LYRM4: variants seen among roughly 807,000 people sequenced by gnomAD.
LYRM4 encodes the protein LYR motif containing 4, also known as LYR motif-containing protein 4.
In LYRM4, 9 loss-of-function variants were observed where a neutral mutation model predicts 11.7. That is an observed-to-expected ratio of 0.77 (90% confidence interval 0.46 to 1.34). The LOEUF is 1.34. Among genes scored for constraint, LYRM4 ranks in the 40% most tolerant of loss-of-function variants. The pLI, the probability that LYRM4 is intolerant of heterozygous loss-of-function variation, is 0.00. For synonymous variants in LYRM4, 42 were observed against 40.4 expected (o/e 1.04, Z -0.15); for missense variants, 133 against 112.5 (o/e 1.18, Z -0.82).
At chr6:5,154,472 C>T (rs1489754452) in intron 2 of LYRM4, among the ~76,000 whole-genome samples, 1 of 152,140 alleles carries the variant, frequency 6.6e-6, no homozygotes, top group Non-Finnish European at 1.5e-5. Flanking sequence ...TCACACAGGA[C>T]ACAGATGGAA....
intron 2 of LYRM4, among the ~76,000 whole-genome samples, chr6:5,211,975 C>A (rs944254354): frequency 6.6e-6 from 1 of 152,220 alleles, no homozygotes; most frequent in Non-Finnish European, 1.5e-5. Context: ...TTTCTCTAGA[C>A]ATGAGGCTAT....
intron 1 of LYRM4, among the ~76,000 whole-genome samples, chr6:5,245,895 A>G (rs1385774115): frequency 6.6e-6 from 1 of 152,242 alleles, no homozygotes; most frequent in Non-Finnish European, 1.5e-5. Context: ...TGCCAGAGTG[A>G]CAATACCATC....
At chr6:5,041,163 C>CA in the LYRM4 span, among the ~76,000 whole-genome samples, 1,014 of 138,234 alleles carry the variant, frequency 7.3e-3, 8 homozygotes, top group African/African-American at 0.024. Context: ...AGACTCGTCT[C>CA]AAAAAAAAAA....
At chr6:5,161,605 T>C (rs1758760636) in intron 2 of LYRM4, among the ~76,000 whole-genome samples, 1 of 152,234 alleles carries the variant, frequency 6.6e-6, no homozygotes, top group African/African-American at 2.4e-5. Flanking sequence ...CTGTATGAAA[T>C]ATGTAAATAT....
chr6:5,075,475 G>C, the LYRM4 span, among the ~76,000 whole-genome samples: 1 of 152,172 alleles, frequency 6.6e-6, no homozygotes, highest in African/African-American at 2.4e-5. Context: ...CACTATACTT[G>C]GTAGGTGGAT....
At chr6:5,066,380 T>C in the LYRM4 span, 4 of 731,680 alleles carry the variant, frequency 5.5e-6, no homozygotes, top group Non-Finnish European at 1.0e-5. Context: ...AAGTGGCCCT[T>C]TTTTCACCTC....
chr6:5,070,988 G>A, the LYRM4 span, among the ~76,000 whole-genome samples: 2 of 151,558 alleles, frequency 1.3e-5, no homozygotes, highest in African/African-American at 2.4e-5. Context: ...TCAGGAGATC[G>A]AGACCAGCCT....
At chr6:5,091,790 A>C in the LYRM4 span, among the ~76,000 whole-genome samples, 1 of 152,218 alleles carries the variant, frequency 6.6e-6, no homozygotes, top group Admixed American at 6.5e-5. Flanking sequence ...GTTCAACCAG[A>C]AACTCCACAT....
chr6:5,047,820 A>G, the LYRM4 span, among the ~76,000 whole-genome samples: 1 of 152,212 alleles, frequency 6.6e-6, no homozygotes, highest in East Asian at 1.9e-4. Flanking sequence ...TTGTTACCTT[A>G]TTACAATAGC....
At chr6:5,151,241 G>A (rs539692883) in intron 2 of LYRM4, among the ~76,000 whole-genome samples, 1 of 152,142 alleles carries the variant, frequency 6.6e-6, no homozygotes, top group East Asian at 1.9e-4. Context: ...GTGCCACCAT[G>A]CCCAGCTAAT....
At chr6:5,151,368 C>T (rs1312864946) in intron 2 of LYRM4, among the ~76,000 whole-genome samples, 1 of 152,148 alleles carries the variant, frequency 6.6e-6, no homozygotes, top group African/African-American at 2.4e-5. Flanking sequence ...CAGGCATGAG[C>T]CACCGCACCC....
Position 5,245,089 on chromosome 6 carries a change from TAAAAAAAAAAA to T in LYRM4, c.86+15548_86+15558del, listed in dbSNP as rs71540855. 4.8e-3 allele frequency among the ~76,000 whole-genome samples: 74 copies of T among 15,488 alleles called. 2 individuals are homozygous for T. The highest frequency in any genetic ancestry group is 0.01 in the African/African-American group (62 of 5,986). The allele number at this position is 15,488 out of a possible 152,430, so 10.2% of individuals were successfully genotyped here. A position where few individuals can be genotyped will look rare whatever the true frequency, so the allele number is the denominator to read the frequency against. On this transcript the variant is annotated intron_variant, in intron 1 of 2. Coordinates refer to ENST00000330636, the MANE Select transcript of LYRM4 (RefSeq NM_020408.6). ...GCTGACTTTATTTGCAGGAAGACCT[TAAAAAAAAAAA>T]AAAAAAAAAAAAAATATATATATAT...
the LYRM4 span, among the ~76,000 whole-genome samples, chr6:5,098,396 TC>T: frequency 5.3e-5 from 8 of 152,144 alleles, no homozygotes; most frequent in Non-Finnish European, 7.3e-5. Context: ...CTGCTTCTCA[TC>T]CTAGGCTTGG....
intron 1 of LYRM4, among the ~76,000 whole-genome samples, chr6:5,217,570 T>C (rs1001713509): frequency 6.6e-6 from 1 of 152,254 alleles, no homozygotes; most frequent in Non-Finnish European, 1.5e-5. Context: ...GGCTTTATAA[T>C]GTGTGTCTGG....
At chr6:5,179,771 A>C (rs1759964294) in intron 2 of LYRM4, among the ~76,000 whole-genome samples, 1 of 152,208 alleles carries the variant, frequency 6.6e-6, no homozygotes, top group African/African-American at 2.4e-5. Context: ...ATTTCCTTTG[A>C]GTATATAGCC....
At chr6:5,161,717 C>A (rs963959429) in intron 2 of LYRM4, among the ~76,000 whole-genome samples, 1 of 152,164 alleles carries the variant, frequency 6.6e-6, no homozygotes, top group African/African-American at 2.4e-5. Flanking sequence ...TTGGAGGAGG[C>A]TGTTGGAGCC....
chr6:5,221,774 C>T (rs1762598841), intron 1 of LYRM4, among the ~76,000 whole-genome samples: 1 of 152,210 alleles, frequency 6.6e-6, no homozygotes, highest in Non-Finnish European at 1.5e-5. Flanking sequence ...AATCTTCATG[C>T]AGTCAACTGC....
chr6:5,237,908 A>C (rs1405127934), intron 1 of LYRM4, among the ~76,000 whole-genome samples: 1 of 152,216 alleles, frequency 6.6e-6, no homozygotes, highest in African/African-American at 2.4e-5. Context: ...CTTTAGCACC[A>C]GAAAGAGTTA....
At chr6:5,162,274 C>CT (rs755732922) in intron 2 of LYRM4, among the ~76,000 whole-genome samples, 14 of 152,172 alleles carry the variant, frequency 9.2e-5, no homozygotes, top group Non-Finnish European at 2.1e-4. Context: ...TTAACTTGGT[C>CT]TTTGTGTCAA....
Sources: gnomAD v4.1 joint callset for allele counts (sites outside exome capture counted in the v4.1 genomes callset) on GRCh38, gnomAD v4.1.1 for gene constraint, MANE v1.5 for transcripts, NCBI Gene and HGNC (gene_info 2026-07-23, HGNC 2026-07-21) for gene names.